The following ANKIB1 variants were observed in gnomAD, a reference collection of about 807,000 sequenced individuals.
The protein encoded by ANKIB1 is ankyrin repeat and IBR domain containing 1, also known as ankyrin repeat and IBR domain-containing protein 1.
Under a neutral mutation model 122.1 loss-of-function variants are expected in ANKIB1, and 43 were observed. That is an observed-to-expected ratio of 0.35 (90% CI 0.28 to 0.45). The LOEUF (loss-of-function observed/expected upper bound fraction) is 0.45, where lower values mean the gene tolerates loss of function less well. ANKIB1 is among the 20% of genes least tolerant of loss of function. ANKIB1 has a pLI of 1.00. For synonymous variants in ANKIB1, 390 were observed against 442.0 expected (o/e 0.88, Z 1.48); for missense variants, 992 against 1,329.5 (o/e 0.75, Z 3.95).
chr7:92,257,425 A>T (rs373747324), intron 1 of ANKIB1, among the ~76,000 whole-genome samples: 1 of 152,222 alleles, frequency 6.6e-6, no homozygotes, highest in Non-Finnish European at 1.5e-5. Flanking sequence ...GGCATGCACT[A>T]CTGCCAATAA....
chr7:92,331,330 C>T lies in ANKIB1; in HGVS notation c.787+3430C>T, dbSNP rs147627735. ...CAACCCAGGCTGGAGTGCAGTAGCA[C>T]AATCTTGGCTTACTGCAACCTCTGC... On this transcript the variant is annotated intron_variant, in intron 5 of 19. Transcript: ENST00000265742. Among the ~76,000 whole-genome samples the T allele has an allele frequency of 7.1e-3, 1,071 of 149,872 alleles. 11 individuals are homozygous for T. Among genetic ancestry groups the T allele is most frequent in the African/African-American group, 0.025 (1,019 of 40,544 alleles).
intron 1 of ANKIB1, among the ~76,000 whole-genome samples, chr7:92,252,608 A>G (rs1489243649): frequency 6.6e-6 from 1 of 151,942 alleles, no homozygotes; most frequent in Non-Finnish European, 1.5e-5. Context: ...TATGTATTAA[A>G]ATTAAAATAG....
chr7:92,391,059 C>G (rs1335110142), intron 15 of ANKIB1, 107 bp from the exon 16 acceptor site: 1 of 891,048 alleles, frequency 1.1e-6, no homozygotes, highest in Non-Finnish European at 1.6e-6. Context: ...TAACTAGTTT[C>G]TTACTTCAAA....
At chr7:92,350,890 A>G (rs1803649247) in intron 7 of ANKIB1, 60 bp from the exon 8 acceptor site, 1 of 1,469,618 alleles carries the variant, frequency 6.8e-7, no homozygotes, top group Admixed American at 2.8e-5. Flanking sequence ...GAAAATTCTT[A>G]GAATGTATGC....
intron 6 of ANKIB1, 65 bp from the exon 7 acceptor site, chr7:92,344,913 C>A (rs1803508850): frequency 4.3e-6 from 6 of 1,396,276 alleles, no homozygotes; most frequent in South Asian, 1.2e-5. Context: ...AAAAAGTAAA[C>A]AAAATGTATT....
intron 7 of ANKIB1, chr7:92,348,053 C>G: frequency 2.4e-6 from 1 of 416,976 alleles, no homozygotes; most frequent in Non-Finnish European, 4.7e-6. Context: ...TTTAGTGACA[C>G]TTATCAACTC....
chr7:92,337,595 A>G (rs911224937), intron 5 of ANKIB1, among the ~76,000 whole-genome samples: 3 of 152,128 alleles, frequency 2.0e-5, no homozygotes, highest in African/African-American at 7.2e-5. Flanking sequence ...ATGACATTTT[A>G]TGTATATTTT....
At chr7:92,278,652 A>G (rs557826443) in intron 1 of ANKIB1, among the ~76,000 whole-genome samples, 1 of 152,366 alleles carries the variant, frequency 6.6e-6, no homozygotes, top group African/African-American at 2.4e-5. Context: ...ATATATTTAT[A>G]TAATTTGACC....
At chr7:92,341,765 T>C (rs531450282) in intron 5 of ANKIB1, among the ~76,000 whole-genome samples, 1 of 152,310 alleles carries the variant, frequency 6.6e-6, no homozygotes, top group East Asian at 1.9e-4. Flanking sequence ...TTTTGACTTA[T>C]AATGGTGCTA....
At chr7:92,330,675 T>A (rs1803153176) in intron 5 of ANKIB1, among the ~76,000 whole-genome samples, 1 of 152,040 alleles carries the variant, frequency 6.6e-6, no homozygotes, top group African/African-American at 2.4e-5. Flanking sequence ...ACCCCGTCTC[T>A]ACTAAAAATA....
chr7:92,304,303 T>A (rs893630777), intron 2 of ANKIB1, among the ~76,000 whole-genome samples: 1 of 152,126 alleles, frequency 6.6e-6, no homozygotes, highest in Non-Finnish European at 1.5e-5. Context: ...TGAGACTCTT[T>A]CTTGAATAAA....
chr7:92,326,543 G>A (rs1386068038), intron 4 of ANKIB1, among the ~76,000 whole-genome samples: 2 of 152,124 alleles, frequency 1.3e-5, no homozygotes, highest in Non-Finnish European at 2.9e-5. Flanking sequence ...GGCAAGGAGA[G>A]GTACCCAGAA....
rs114888110 is a variant in ANKIB1, at chr7:92,356,842, C to A, written c.1397+4200C>A. ...AAATGGGGATAAATAGTACCAGTTA[C>A]AAAGAGATGTTAAGAGAATTAAGTG... On this transcript the variant is annotated intron_variant, in intron 9 of 19. Coordinates refer to ENST00000265742, the MANE Select transcript of ANKIB1 (RefSeq NM_019004.2). 2.6e-3 allele frequency among the ~76,000 whole-genome samples: 398 copies of A among 152,174 alleles called. 2 individuals are homozygous for A. Among genetic ancestry groups the A allele is most frequent in the African/African-American group, 9.1e-3 (376 of 41,514 alleles).
chr7:92,386,583 A>G lies in ANKIB1; in HGVS notation c.1692A>G (p.Arg564=), dbSNP rs1424896447. ...GTTCGTCCACTGGAGGTTATTACAG[A>G]TGTACTCGCTATGAAGTCATTCAAC... ...KHSSSTGGYY[R]CTRYEVIQHV... The change falls in exon 12 of 20, where the codon AGA becomes AGG. Residue 564 remains arginine (R), a synonymous_variant. Coordinates refer to ENST00000265742, the MANE Select transcript of ANKIB1 (RefSeq NM_019004.2). 6.2e-7 allele frequency: 1 copy of G among 1,605,970 alleles called. No homozygotes were observed. Among genetic ancestry groups the G allele is most frequent in the East Asian group, 2.2e-5 (1 of 44,468 alleles).
At chr7:92,351,720 GTTTTTTTTT>G (rs1018424517) in intron 8 of ANKIB1, among the ~76,000 whole-genome samples, 3 of 116,642 alleles carry the variant, frequency 2.6e-5, no homozygotes, top group Admixed American at 8.9e-5. Flanking sequence ...TTTTTTTTTT[GTTTTTTTTT>G]TTTTTTTTGG....
At chr7:92,338,253 A>T (rs28571910) in intron 5 of ANKIB1, among the ~76,000 whole-genome samples, 5 of 150,522 alleles carry the variant, frequency 3.3e-5, no homozygotes, top group African/African-American at 9.8e-5. Flanking sequence ...CTACAAAAAA[A>T]TTAAAAAAAA....
At chr7:92,381,348 C>A (rs1338464508) in intron 11 of ANKIB1, among the ~76,000 whole-genome samples, 1 of 152,152 alleles carries the variant, frequency 6.6e-6, no homozygotes. Context: ...CTTCCCCAAC[C>A]TAGCAAGTCA....
At chr7:92,269,376 A>C (rs1801737230) in intron 1 of ANKIB1, among the ~76,000 whole-genome samples, 1 of 152,210 alleles carries the variant, frequency 6.6e-6, no homozygotes, top group South Asian at 2.1e-4. Context: ...CCAATAGAAA[A>C]ATAAATGTCT....
intron 3 of ANKIB1, among the ~76,000 whole-genome samples, chr7:92,315,042 C>T (rs994935794): frequency 5.3e-5 from 8 of 151,936 alleles, no homozygotes; most frequent in Non-Finnish European, 1.2e-4. Flanking sequence ...GATGGAGGCT[C>T]TATAATGTTT....
Sources: gnomAD v4.1 joint callset for allele counts (sites outside exome capture counted in the v4.1 genomes callset) on GRCh38, gnomAD v4.1.1 for gene constraint, MANE v1.5 for transcripts, NCBI Gene and HGNC (gene_info 2026-07-23, HGNC 2026-07-21) for gene names.